The following PRKAG2 variants were observed in gnomAD, a reference collection of about 807,000 sequenced individuals.
PRKAG2 encodes protein kinase AMP-activated non-catalytic subunit gamma 2.
Under a neutral mutation model 69.6 loss-of-function variants are expected in PRKAG2, and 26 were observed. The ratio of observed to expected loss-of-function variants is 0.37; its 90% confidence interval spans 0.27 to 0.52. PRKAG2 has a LOEUF of 0.52. Among genes scored for constraint, PRKAG2 ranks in the 20% least tolerant of loss-of-function variants. PRKAG2 has a pLI of 0.90. For synonymous variants in PRKAG2, 293 were observed against 285.0 expected, an observed-to-expected ratio of 1.03 and a Z score of -0.28; for missense variants, 557 against 740.0, an observed-to-expected ratio of 0.75 and a Z score of 2.87.
intron 4 of PRKAG2, among the ~76,000 whole-genome samples, chr7:151,658,315 G>A (rs1349092765): frequency 6.6e-6 from 1 of 150,678 alleles, no homozygotes; most frequent in Admixed American, 6.6e-5. Flanking sequence ...GTGAAACCCC[G>A]TCTCTACTAA....
intron 9 of PRKAG2, among the ~76,000 whole-genome samples, chr7:151,571,827 C>T (rs1268987094): frequency 6.6e-6 from 1 of 152,266 alleles, no homozygotes; most frequent in African/African-American, 2.4e-5. Context: ...TCTGATTTCA[C>T]AGCCAGCTAC....
intron 4 of PRKAG2, among the ~76,000 whole-genome samples, chr7:151,669,507 G>A (rs181993986): frequency 4.1e-4 from 62 of 152,212 alleles, no homozygotes; most frequent in Non-Finnish European, 7.9e-4. Flanking sequence ...TTCAGAATCC[G>A]TTTTTTTCGA....
chr7:151,872,382 T>C (rs1352111641), intron 1 of PRKAG2, among the ~76,000 whole-genome samples: 1 of 152,218 alleles, frequency 6.6e-6, no homozygotes, highest in Non-Finnish European at 1.5e-5. Flanking sequence ...CTGATTCCCA[T>C]GGAATGCTGT....
chr7:151,589,626 C>G (rs186564814), intron 6 of PRKAG2, among the ~76,000 whole-genome samples: 112 of 152,326 alleles, frequency 7.4e-4, no homozygotes, highest in African/African-American at 2.3e-3. Flanking sequence ...CCTGACTGAA[C>G]CTTGACTGAT....
intron 6 of PRKAG2, among the ~76,000 whole-genome samples, 187 bp from the exon 7 acceptor site, chr7:151,576,639 G>A (rs1445749116): frequency 2.0e-5 from 3 of 152,058 alleles, no homozygotes; most frequent in African/African-American, 7.2e-5. Context: ...TAGCTGGGAT[G>A]ACAGGCATGT....
chr7:151,785,638 C>T (rs2076965751), intron 2 of PRKAG2, among the ~76,000 whole-genome samples: 1 of 152,260 alleles, frequency 6.6e-6, no homozygotes, highest in South Asian at 2.1e-4. Flanking sequence ...GAACCCATCC[C>T]AGACCCTGTA....
chr7:151,809,104 G>T, intron 1 of PRKAG2: 1 of 406,720 alleles, frequency 2.5e-6, no homozygotes. Flanking sequence ...GGGAAGGGGT[G>T]GTGGCAGATG....
chr7:151,587,609 C>T (rs183242182), intron 6 of PRKAG2, among the ~76,000 whole-genome samples: 78 of 152,272 alleles, frequency 5.1e-4, no homozygotes, highest in African/African-American at 1.8e-3. Flanking sequence ...GGTCTTTCTC[C>T]TCCAAAGCCA....
intron 6 of PRKAG2, among the ~76,000 whole-genome samples, chr7:151,578,190 C>CACT (rs907516472): frequency 6.6e-6 from 1 of 151,728 alleles, no homozygotes; most frequent in African/African-American, 2.4e-5. Flanking sequence ...ACTAAAAATA[C>CACT]AAAAATTAGC....
rs547297691 is a variant in PRKAG2, at chr7:151,752,912, G to A, written c.466+28240C>T. On this transcript the variant is annotated intron_variant, in intron 3 of 15. Transcript: ENST00000287878. ...CTTTATTAAAGTAGAGAACTTTATG[G>A]TGGCAGACGCCCCCTTCACCAAGTG... Among the ~76,000 whole-genome samples the A allele has an allele frequency of 7.9e-4, 121 of 152,370 alleles. 2 individuals carry two copies. In the South Asian group the frequency reaches 0.019, roughly 24 times the overall value.
chr7:151,774,192 C>T (rs1053936431), intron 3 of PRKAG2, among the ~76,000 whole-genome samples: 3 of 152,154 alleles, frequency 2.0e-5, no homozygotes, highest in Non-Finnish European at 4.4e-5. Context: ...CGAATCCTCA[C>T]GCTACTGTAC....
intron 14 of PRKAG2, among the ~76,000 whole-genome samples, chr7:151,562,911 C>T (rs971883563): frequency 2.7e-5 from 4 of 149,394 alleles, no homozygotes; most frequent in Non-Finnish European, 5.9e-5. Flanking sequence ...GCCGAGATCA[C>T]GCCACTGCAC....
intron 3 of PRKAG2, among the ~76,000 whole-genome samples, chr7:151,731,902 A>G (rs1185097781): frequency 1.3e-5 from 2 of 152,100 alleles, no homozygotes; most frequent in Admixed American, 1.3e-4. Flanking sequence ...CAGTGGTATA[A>G]TCTTGGCTCA....
chr7:151,593,560 A>C (rs1019817822), intron 6 of PRKAG2, among the ~76,000 whole-genome samples: 7 of 152,136 alleles, frequency 4.6e-5, no homozygotes, highest in African/African-American at 1.4e-4. Flanking sequence ...TTAAAAAGTA[A>C]ACCTTCTGGG....
chr7:151,795,480 G>T (rs1055431630), intron 1 of PRKAG2, among the ~76,000 whole-genome samples: 1 of 152,174 alleles, frequency 6.6e-6, no homozygotes, highest in Non-Finnish European at 1.5e-5. Context: ...GACAGGGAGC[G>T]CTGGGCTCCA....
chr7:151,684,249 A>G (rs575623977), intron 3 of PRKAG2, among the ~76,000 whole-genome samples: 2 of 152,024 alleles, frequency 1.3e-5, no homozygotes, highest in South Asian at 2.1e-4. Context: ...CCCTGCCCAC[A>G]CCCCTGGGAA....
Position 151,592,627 on chromosome 7 carries a change from TCA to T in PRKAG2, c.864+2716_864+2717del, listed in dbSNP as rs1329868007. On this transcript the variant is annotated intron_variant, in intron 6 of 15. Transcript: ENST00000287878. Reference sequence around the variant, plus strand: ...TTACGGCTCTGATGACGTCGTATCCTCAGAGTAACGTGGTCATTTTGAGTACT... The same window carrying T: ...TTACGGCTCTGATGACGTCGTATCCTGAGTAACGTGGTCATTTTGAGTACT... 4.6e-5 allele frequency among the ~76,000 whole-genome samples: 7 copies of T among 152,338 alleles called. No homozygotes were observed. In the East Asian group the frequency reaches 9.6e-4, roughly 21 times the overall value.
intron 5 of PRKAG2, among the ~76,000 whole-genome samples, chr7:151,620,211 T>A (rs1385562232): frequency 6.6e-6 from 1 of 152,166 alleles, no homozygotes; most frequent in Admixed American, 6.5e-5. Context: ...ATTAACGATT[T>A]TTAAAAAGGA....
chr7:151,664,702 G>A (rs542463016), intron 4 of PRKAG2, among the ~76,000 whole-genome samples: 1 of 152,282 alleles, frequency 6.6e-6, no homozygotes, highest in Non-Finnish European at 1.5e-5. Context: ...CCCAAGTTAG[G>A]GAAAAAGATA....
Sources: gnomAD v4.1 joint callset for allele counts (sites outside exome capture counted in the v4.1 genomes callset) on GRCh38, gnomAD v4.1.1 for gene constraint, MANE v1.5 for transcripts, NCBI Gene and HGNC (gene_info 2026-07-23, HGNC 2026-07-21) for gene names.